Variants in KCND2 observed in about 807,000 individuals in gnomAD.
KCND2 encodes potassium voltage-gated channel subfamily D member 2.
KCND2 carries 16 observed loss-of-function variants against 54.4 expected under a neutral mutation model. That is an observed-to-expected ratio of 0.29 (90% CI 0.20 to 0.45). KCND2 has a LOEUF of 0.45. Among genes scored for constraint, KCND2 ranks in the 20% least tolerant of loss-of-function variants. The pLI is 1.00. For missense variants in KCND2, 486 were observed against 824.2 expected, an observed-to-expected ratio of 0.59 and a Z score of 5.02; for synonymous variants, 317 against 310.7, an observed-to-expected ratio of 1.02 and a Z score of -0.21.
chr7:120,621,276 C>CAAAAAAAAAAAAAAAA (rs1175736454), intron 1 of KCND2, among the ~76,000 whole-genome samples: 4 of 47,202 alleles, frequency 8.5e-5, no homozygotes, highest in African/African-American at 2.1e-4. Flanking sequence ...GACTCCGTCT[C>CAAAAAAAAAAAAAAAA]AAAAAAAAAA....
chr7:120,559,884 A>G (rs1792212532), intron 1 of KCND2, among the ~76,000 whole-genome samples: 1 of 152,130 alleles, frequency 6.6e-6, no homozygotes, highest in Admixed American at 6.5e-5. Flanking sequence ...ATGAATAGTA[A>G]CTTTGATTTC....
intron 1 of KCND2, among the ~76,000 whole-genome samples, chr7:120,586,796 G>C (rs773913958): frequency 2.0e-5 from 3 of 152,000 alleles, no homozygotes; most frequent in Non-Finnish European, 4.4e-5. Context: ...TCATAGCCCT[G>C]CTTGAATAGT....
At chr7:120,615,188 A>G (rs1033449532) in intron 1 of KCND2, among the ~76,000 whole-genome samples, 1 of 152,206 alleles carries the variant, frequency 6.6e-6, no homozygotes, top group African/African-American at 2.4e-5. Context: ...CTTCAAGGAA[A>G]TGCTTGCTCT....
At chr7:120,498,194 A>T (rs1376675928) in intron 1 of KCND2, among the ~76,000 whole-genome samples, 1 of 152,188 alleles carries the variant, frequency 6.6e-6, no homozygotes, top group Non-Finnish European at 1.5e-5. Flanking sequence ...GTAGCAGTAT[A>T]TTAAGGCCAG....
chr7:120,433,592 G>A (rs1686085565), intron 1 of KCND2, among the ~76,000 whole-genome samples: 1 of 152,052 alleles, frequency 6.6e-6, no homozygotes, highest in Admixed American at 6.6e-5. Context: ...AAAATACATC[G>A]CATCCCTGAC....
intron 1 of KCND2, among the ~76,000 whole-genome samples, chr7:120,540,331 CCT>C (rs1381142096): frequency 6.6e-6 from 1 of 152,022 alleles, no homozygotes; most frequent in Non-Finnish European, 1.5e-5. Flanking sequence ...CACGATTTTC[CCT>C]GTTTTGATAT....
chr7:120,461,161 G>A (rs951096700), intron 1 of KCND2, among the ~76,000 whole-genome samples: 1 of 151,954 alleles, frequency 6.6e-6, no homozygotes, highest in Non-Finnish European at 1.5e-5. Context: ...CCTTTGCCCC[G>A]AGCACCCAGC....
At chr7:120,610,812 ACAGGGTACTACT>A in intron 1 of KCND2, among the ~76,000 whole-genome samples, 1 of 152,290 alleles carries the variant, frequency 6.6e-6, no homozygotes, top group African/African-American at 2.4e-5. Flanking sequence ...GAGAACATTA[ACAGGGTACTACT>A]CATCTGCTCA....
chr7:120,604,574 G>A (rs901445028), intron 1 of KCND2, among the ~76,000 whole-genome samples: 16 of 150,296 alleles, frequency 1.1e-4, no homozygotes, highest in Non-Finnish European at 1.9e-4. Context: ...AACTAAGGTA[G>A]TGTCTTTTCT....
At chr7:120,377,803 A>G (rs923538280) in intron 1 of KCND2, among the ~76,000 whole-genome samples, 1 of 151,866 alleles carries the variant, frequency 6.6e-6, no homozygotes, top group Non-Finnish European at 1.5e-5. Flanking sequence ...GCTCTTTCCC[A>G]GTCTATCCAC....
intron 1 of KCND2, among the ~76,000 whole-genome samples, chr7:120,433,776 G>A (rs1801828351): frequency 6.6e-6 from 1 of 152,166 alleles, no homozygotes; most frequent in East Asian, 1.9e-4. Context: ...AGTACTTATA[G>A]TCTAACAGCA....
At chr7:120,717,631 T>G (rs928116497) in intron 1 of KCND2, among the ~76,000 whole-genome samples, 1 of 152,094 alleles carries the variant, frequency 6.6e-6, no homozygotes, top group Non-Finnish European at 1.5e-5. Context: ...CATTTCAGTA[T>G]CATCATAGAC....
At chr7:120,376,102 T>C (rs113995059) in intron 1 of KCND2, among the ~76,000 whole-genome samples, 221 of 151,940 alleles carry the variant, frequency 1.5e-3, no homozygotes, top group African/African-American at 5.0e-3. Flanking sequence ...TTAAAGATAA[T>C]AGTTTAATTA....
At chr7:120,444,210 G>T (rs1310444106) in intron 1 of KCND2, among the ~76,000 whole-genome samples, 3 of 151,966 alleles carry the variant, frequency 2.0e-5, no homozygotes, top group Admixed American at 1.3e-4. Context: ...TTAAAATTGT[G>T]CTTCCTTGCT....
chr7:120,600,336 A>G (rs1792798917), intron 1 of KCND2, among the ~76,000 whole-genome samples: 1 of 152,006 alleles, frequency 6.6e-6, no homozygotes, highest in African/African-American at 2.4e-5. Flanking sequence ...TTAATAATTT[A>G]GTTCTGCTCT....
intron 1 of KCND2, among the ~76,000 whole-genome samples, chr7:120,497,588 A>T (rs796825864): frequency 1.2e-4 from 18 of 152,308 alleles, no homozygotes; most frequent in African/African-American, 4.3e-4. Context: ...CCTTCCAGCC[A>T]TCCACTTGGC....
intron 1 of KCND2, among the ~76,000 whole-genome samples, chr7:120,563,494 C>T (rs1792260289): frequency 6.6e-6 from 1 of 152,166 alleles, no homozygotes; most frequent in Non-Finnish European, 1.5e-5. Flanking sequence ...AATCAAACTG[C>T]TTTCAATTCT....
intron 1 of KCND2, among the ~76,000 whole-genome samples, chr7:120,618,852 A>AT (rs1793061712): frequency 6.6e-6 from 1 of 151,542 alleles, no homozygotes; most frequent in South Asian, 2.1e-4. Context: ...TTTTATTTTT[A>AT]TTTTTTTTAG....
At chr7:120,323,161 G>A (rs990259733) in intron 1 of KCND2, among the ~76,000 whole-genome samples, 6 of 151,744 alleles carry the variant, frequency 4.0e-5, no homozygotes, top group South Asian at 2.1e-4. Context: ...TCCCACCCCC[G>A]ACAGGCCCTG....
Sources: gnomAD v4.1 joint callset for allele counts (sites outside exome capture counted in the v4.1 genomes callset) on GRCh38, gnomAD v4.1.1 for gene constraint, MANE v1.5 for transcripts, NCBI Gene and HGNC (gene_info 2026-07-23, HGNC 2026-07-21) for gene names.